Variants in COX17 observed in about 807,000 individuals in gnomAD.
COX17 encodes cytochrome c oxidase copper chaperone.
Under a neutral mutation model 6.3 loss-of-function variants are expected in COX17, and 1 was observed. The observed-to-expected ratio is 0.16, with a 90% confidence interval of 0.06 to 0.75. The LOEUF (loss-of-function observed/expected upper bound fraction) is 0.75. Among genes scored for constraint, COX17 ranks in the 30% least tolerant of loss-of-function variants. The pLI is 0.77. For missense variants in COX17, 73 were observed against 81.2 expected, an observed-to-expected ratio of 0.90 and a Z score of 0.39; for synonymous variants, 26 against 30.5, an observed-to-expected ratio of 0.85 and a Z score of 0.49.
intron 1 of COX17, chr3:119,675,552 A>G (rs1053430394): frequency 4.8e-6 from 1 of 207,026 alleles, no homozygotes; most frequent in African/African-American, 2.3e-5. Context: ...ATTTATGCTA[A>G]ATGAAGGGCA....
In COX17 at chr3:119,677,277, G is replaced by A. The variant is rs1406757668; in HGVS notation, c.34C>T (p.Pro12Ser). ...AGCGGCTTCTTCTCCTGAGACTCAG[G>A]CGGGGCAGGGTTTGAGTCAACCAGA... ...PGLVDSNPAPPESQEKKPLKP... is the reference protein window; with the variant it reads ...PGLVDSNPAPSESQEKKPLKP... The change falls in exon 1 of 3, where the codon CCT (proline) becomes TCT (serine). Residue 12 changes from proline (P) to serine (S), a missense_variant. Coordinates refer to ENST00000261070, the MANE Select transcript of COX17 (RefSeq NM_005694.2). 7 of 1,611,912 alleles carry A rather than the reference G, an allele frequency of 4.3e-6. No individual in the cohort carries two copies. The East Asian group carries it at 6.7e-5, about 15-fold the overall frequency.
At chr3:119,674,162 C>T (rs905979346) in intron 2 of COX17, among the ~76,000 whole-genome samples, 4 of 148,094 alleles carry the variant, frequency 2.7e-5, no homozygotes, top group African/African-American at 7.5e-5. Flanking sequence ...AAGTGTGGAG[C>T]GTCTCTGCCC....
At chr3:119,672,846 GA>G (rs1277839041) in intron 2 of COX17, among the ~76,000 whole-genome samples, 2 of 152,166 alleles carry the variant, frequency 1.3e-5, no homozygotes, top group East Asian at 1.9e-4. Context: ...TTAAAAACAT[GA>G]TAAACTAAAC....
downstream of COX17, chr3:119,666,895 A>T (rs1431487145): frequency 6.6e-6 from 1 of 152,244 alleles, no homozygotes; most frequent in Non-Finnish European, 1.5e-5. Flanking sequence ...CTAGTACACC[A>T]AAGAACACCG....
At position 119,677,013 on chromosome 3, in the gene COX17, CGGGGCGGGGCGG is replaced by C. The variant is rs1387644897; in HGVS notation, c.107+179_107+190del. 17 of 287,816 alleles carry C rather than the reference CGGGGCGGGGCGG, an allele frequency of 5.9e-5. No homozygotes were observed. In the African/African-American group the frequency reaches 9.4e-4, roughly 16 times the overall value. The allele number at this position is 287,816 out of a possible 1,614,324, so 17.8% of individuals were successfully genotyped here. On this transcript the variant is annotated intron_variant, in intron 1 of 2. Coordinates refer to ENST00000261070, the MANE Select transcript of COX17 (RefSeq NM_005694.2). Reference sequence around the variant, plus strand: ...TCCAGAGCGCCGCAATGGGGCGGGGCGGGGCGGGGCGGGGGGGGGGGGCAGACAGGGAGGAGG... The same window carrying C: ...TCCAGAGCGCCGCAATGGGGCGGGGCGGGGGGGGGGCAGACAGGGAGGAGG...
At chr3:119,676,138 GAC>G (rs1237861201) in intron 1 of COX17, among the ~76,000 whole-genome samples, 1 of 152,176 alleles carries the variant, frequency 6.6e-6, no homozygotes, top group Non-Finnish European at 1.5e-5. Context: ...TCATTTTACA[GAC>G]ACATGAGGCT....
chr3:119,670,108 C>G (rs2053029632), intron 2 of COX17, among the ~76,000 whole-genome samples: 2 of 152,252 alleles, frequency 1.3e-5, no homozygotes, highest in African/African-American at 2.4e-5. Flanking sequence ...GCTCAGTACC[C>G]AAGGCACTTC....
In COX17 at chr3:119,672,190, T is replaced by C. The variant is rs74660800; in HGVS notation, c.*5-2525A>G. Among the ~76,000 whole-genome samples the C allele has an allele frequency of 6.7e-3, 1,015 of 152,292 alleles. 15 individuals are homozygous for C. The highest frequency in any genetic ancestry group is 0.022 in the African/African-American group (922 of 41,556). On this transcript the variant is annotated intron_variant, in intron 2 of 2. Transcript: ENST00000261070. ...TGTATTATTGTCTCCATTTTACGGA[T>C]GAGGAAACCAAGGTACAGAAAGTTA...
intron 1 of COX17, among the ~76,000 whole-genome samples, chr3:119,676,172 T>C (rs953892231): frequency 6.6e-6 from 1 of 152,196 alleles, no homozygotes; most frequent in African/African-American, 2.4e-5. Context: ...AGTTAGTGGA[T>C]TAAGATTCAA....
At chr3:119,677,153 A>G (rs375003489) in intron 1 of COX17, 51 bp downstream of exon 1, 8 of 1,478,812 alleles carry the variant, frequency 5.4e-6, no homozygotes, top group Non-Finnish European at 6.5e-6. Context: ...CGGAAGGCAC[A>G]GGCCGCGGCC....
At chr3:119,676,995 C>T in intron 1 of COX17, 1 of 660,062 alleles carries the variant, frequency 1.5e-6, no homozygotes, top group East Asian at 2.8e-5. Flanking sequence ...ATCTCCAGAG[C>T]GCCGCAATGG....
chr3:119,677,406 T>G lies in COX17; in HGVS notation c.-96A>C. 1.0e-6 allele frequency: 1 copy of G among 981,758 alleles called. No individual in the cohort carries two copies. Among genetic ancestry groups the G allele is most frequent in the South Asian group, 1.4e-5 (1 of 71,246 alleles). 60.8% of individuals were successfully genotyped at this position (981,758 alleles called of 1,614,324 possible). The stretch of plus-strand genomic sequence containing the variant: ...CCGCAGTCACTTCCGGCAGTCGCTC[T>G]AAAAAGTACAGGAAGTCCTGCTTCT... On this transcript the variant is annotated 5_prime_UTR_variant, in exon 1 of 3. Transcript: ENST00000261070.
At chr3:119,677,075 G>A (rs9854767) in intron 1 of COX17, 129 bp downstream of exon 1, 1 of 575,296 alleles carries the variant, frequency 1.7e-6, no homozygotes, top group Non-Finnish European at 3.1e-6. Flanking sequence ...GGAAGGAAGA[G>A]GGCAGAGGGC....
chr3:119,677,071 A>AAGAGGGCAGAGGGC lies in COX17; in HGVS notation c.107+119_107+132dup, dbSNP rs1242476950. 6 of 689,462 alleles carry AAGAGGGCAGAGGGC rather than the reference A, an allele frequency of 8.7e-6. No homozygotes were observed. In the African/African-American group the frequency reaches 9.6e-5, roughly 11 times the overall value. 42.7% of individuals were successfully genotyped at this position (689,462 alleles called of 1,614,324 possible). On this transcript the variant is annotated intron_variant, in intron 1 of 2. Coordinates refer to ENST00000261070, the MANE Select transcript of COX17 (RefSeq NM_005694.2). The stretch of plus-strand genomic sequence containing the variant: ...GGAGGAGTGGGGGAAGGGGGGAAGG[A>AAGAGGGCAGAGGGC]AGAGGGCAGAGGGCAGAAGGCAGAG...
At chr3:119,671,936 T>C (rs1170506314) in intron 2 of COX17, among the ~76,000 whole-genome samples, 1 of 152,158 alleles carries the variant, frequency 6.6e-6, no homozygotes, top group Non-Finnish European at 1.5e-5. Flanking sequence ...AAAATATTAT[T>C]ACACTGAAAA....
At chr3:119,664,928 T>A (rs947089340), downstream of COX17, among the ~76,000 whole-genome samples, 4 of 152,200 alleles carry the variant, frequency 2.6e-5, no homozygotes. Flanking sequence ...GATACTAAAA[T>A]AGAACAGAGG....
chr3:119,671,847 TG>T (rs1264707342), intron 2 of COX17, among the ~76,000 whole-genome samples: 2 of 152,230 alleles, frequency 1.3e-5, no homozygotes, highest in Admixed American at 6.5e-5. Flanking sequence ...TTGACTTCAC[TG>T]TGCTTCCATT....
At position 119,675,324 on chromosome 3, in the gene COX17, G is replaced by A; in HGVS notation, c.108-91C>T. The A allele has an allele frequency of 4.7e-6, 4 of 844,036 alleles. No individual in the cohort carries two copies. In the South Asian group the frequency reaches 5.8e-5, roughly 12 times the overall value. The allele number at this position is 844,036 out of a possible 1,614,324, so 52.3% of individuals were successfully genotyped here. A position where few individuals can be genotyped will look rare whatever the true frequency, so the allele number is the denominator to read the frequency against. Reference sequence around the variant, plus strand: ...TGATGGGGAGTGAGACAAAACACGGGTATAATGGAATGTAGCTGGAATTAA... The same window carrying A: ...TGATGGGGAGTGAGACAAAACACGGATATAATGGAATGTAGCTGGAATTAA... On this transcript the variant is annotated intron_variant, in intron 1 of 2. Transcript: ENST00000261070.
downstream of COX17, among the ~76,000 whole-genome samples, chr3:119,664,637 C>T (rs1167863915): frequency 6.6e-6 from 1 of 152,220 alleles, no homozygotes. Flanking sequence ...GTCATGAACT[C>T]AGCCTGGTCT....
Sources: gnomAD v4.1 joint callset for allele counts (sites outside exome capture counted in the v4.1 genomes callset) on GRCh38, gnomAD v4.1.1 for gene constraint, MANE v1.5 for transcripts, NCBI Gene and HGNC (gene_info 2026-07-23, HGNC 2026-07-21) for gene names.